The following CNTN4 variants were observed in gnomAD, a reference collection of about 807,000 sequenced individuals.
CNTN4 encodes the protein contactin 4.
In CNTN4, 77 loss-of-function variants were observed where a neutral mutation model predicts 122.5. That is an observed-to-expected ratio of 0.63 (90% confidence interval 0.52 to 0.76). CNTN4 has a LOEUF of 0.76. Ranked by LOEUF, CNTN4 falls within the 30% of genes least tolerant of loss-of-function variation. CNTN4 has a pLI of 0.00. For missense variants in CNTN4, 1,256 were observed against 1,259.1 expected (o/e 1.00, Z 0.04); for synonymous variants, 512 against 447.0 (o/e 1.15, Z -1.83).
chr3:2,885,703 A>G (rs1328618228), intron 9 of CNTN4, among the ~76,000 whole-genome samples: 1 of 152,224 alleles, frequency 6.6e-6, no homozygotes, highest in East Asian at 1.9e-4. Flanking sequence ...ATTTTATTAT[A>G]TCTTACAATT....
At chr3:2,981,387 T>G (rs1167982695) in intron 13 of CNTN4, among the ~76,000 whole-genome samples, 3 of 151,832 alleles carry the variant, frequency 2.0e-5, no homozygotes, top group East Asian at 1.9e-4. Context: ...GAGCTTGCAG[T>G]GAGCCGAGAT....
chr3:2,750,347 T>C (rs1480621181), intron 6 of CNTN4, among the ~76,000 whole-genome samples: 1 of 152,232 alleles, frequency 6.6e-6, no homozygotes, highest in Non-Finnish European at 1.5e-5. Flanking sequence ...TTCTATTGAT[T>C]ATTAAAAATG....
chr3:2,658,424 A>G (rs955412016), intron 4 of CNTN4, among the ~76,000 whole-genome samples: 19 of 152,202 alleles, frequency 1.2e-4, no homozygotes, highest in Admixed American at 7.9e-4. Flanking sequence ...TGCAATACTT[A>G]CATCACATGA....
chr3:2,519,578 C>G (rs1355350748), intron 3 of CNTN4, among the ~76,000 whole-genome samples: 15 of 152,168 alleles, frequency 9.9e-5, no homozygotes, highest in East Asian at 1.9e-4. Flanking sequence ...TAACCCAGAA[C>G]CAAAGACCTG....
chr3:2,970,557 C>A (rs577439262), intron 13 of CNTN4, among the ~76,000 whole-genome samples: 1 of 152,130 alleles, frequency 6.6e-6, no homozygotes, highest in African/African-American at 2.4e-5. Context: ...AGCAATCCTG[C>A]CACCTCAGCC....
chr3:2,956,478 A>AT (rs1491200114), intron 13 of CNTN4, among the ~76,000 whole-genome samples: 27 of 151,614 alleles, frequency 1.8e-4, no homozygotes, highest in African/African-American at 6.3e-4. Context: ...AAAAAGATAT[A>AT]AAAAATGGAA....
At chr3:3,050,935 A>G (rs1701205596) in intron 23 of CNTN4, among the ~76,000 whole-genome samples, 1 of 152,180 alleles carries the variant, frequency 6.6e-6, no homozygotes, top group Non-Finnish European at 1.5e-5. Flanking sequence ...GGTTATCCAC[A>G]TAAGCATTTA....
At chr3:2,448,332 A>G (rs1052599552) in intron 3 of CNTN4, among the ~76,000 whole-genome samples, 10 of 152,276 alleles carry the variant, frequency 6.6e-5, no homozygotes, top group African/African-American at 2.4e-4. Context: ...AAGCAAGTAT[A>G]TTCACCTCTC....
At chr3:2,126,497 GATTTA>G (rs1438236775) in intron 2 of CNTN4, among the ~76,000 whole-genome samples, 1 of 152,092 alleles carries the variant, frequency 6.6e-6, no homozygotes, top group Non-Finnish European at 1.5e-5. Context: ...AAGAAATATT[GATTTA>G]ATAATTTTTG....
intron 10 of CNTN4, among the ~76,000 whole-genome samples, chr3:2,890,645 A>G (rs184468908): frequency 3.5e-4 from 53 of 152,322 alleles, no homozygotes; most frequent in Non-Finnish European, 6.9e-4. Context: ...TTCTTTCAAA[A>G]GCCTACTAGG....
At chr3:3,008,653 G>A (rs1438818284) in intron 14 of CNTN4, among the ~76,000 whole-genome samples, 1 of 152,160 alleles carries the variant, frequency 6.6e-6, no homozygotes, top group Non-Finnish European at 1.5e-5. Context: ...GTAACATTAT[G>A]CAGAGCATTA....
At chr3:2,690,416 C>T (rs908488) in intron 4 of CNTN4, among the ~76,000 whole-genome samples, 103,557 of 151,946 alleles carry the variant, frequency 0.68, 36,712 homozygotes, top group East Asian at 0.83. Context: ...CGTAGCCCCA[C>T]ACTAGCTATG....
chr3:2,552,548 A>G (rs2078552650), intron 3 of CNTN4, among the ~76,000 whole-genome samples: 1 of 152,088 alleles, frequency 6.6e-6, no homozygotes. Flanking sequence ...AGGAATTAAT[A>G]TGCAATTATA....
At chr3:2,464,716 ACT>A (rs1434976964) in intron 3 of CNTN4, among the ~76,000 whole-genome samples, 30 of 152,152 alleles carry the variant, frequency 2.0e-4, no homozygotes, top group Admixed American at 1.8e-3. Flanking sequence ...CAGTTGAGAC[ACT>A]CTGCTGTAGA....
chr3:2,173,485 G>A (rs2036602334), intron 2 of CNTN4, among the ~76,000 whole-genome samples: 1 of 152,154 alleles, frequency 6.6e-6, no homozygotes. Context: ...TTTTATTGAA[G>A]TATTTATTTT....
intron 13 of CNTN4, among the ~76,000 whole-genome samples, chr3:2,937,917 G>A (rs12488436): frequency 0.091 from 13,882 of 152,188 alleles, 721 homozygotes; most frequent in Middle Eastern, 0.13. Flanking sequence ...GAAATGAGGG[G>A]AAGAGAGGGA....
intron 3 of CNTN4, among the ~76,000 whole-genome samples, chr3:2,434,922 G>C (rs73804542): frequency 6.6e-6 from 1 of 152,096 alleles, no homozygotes; most frequent in Non-Finnish European, 1.5e-5. Flanking sequence ...ATTTAAAGTC[G>C]TCATTATTTT....
At chr3:2,585,678 G>A (rs1330760353) in intron 4 of CNTN4, among the ~76,000 whole-genome samples, 34 of 134,832 alleles carry the variant, frequency 2.5e-4, no homozygotes, top group South Asian at 1.2e-3. Flanking sequence ...ATCACACACC[G>A]GGGCCTGTTG....
intron 8 of CNTN4, among the ~76,000 whole-genome samples, chr3:2,875,633 T>C (rs775512481): frequency 2.1e-4 from 32 of 152,186 alleles, no homozygotes; most frequent in Non-Finnish European, 4.4e-4. Flanking sequence ...CTAGATAAAA[T>C]TCTTATTTTC....
Sources: gnomAD v4.1 joint callset for allele counts (sites outside exome capture counted in the v4.1 genomes callset) on GRCh38, gnomAD v4.1.1 for gene constraint, MANE v1.5 for transcripts, NCBI Gene and HGNC (gene_info 2026-07-23, HGNC 2026-07-21) for gene names.